The following MLIP variants were observed in gnomAD, a reference collection of about 807,000 sequenced individuals.
MLIP encodes muscular LMNA interacting protein, also known as muscular LMNA-interacting protein.
In MLIP, 79 loss-of-function variants were observed where a neutral mutation model predicts 84.8. That is an observed-to-expected ratio of 0.93 (90% CI 0.78 to 1.12). The LOEUF (loss-of-function observed/expected upper bound fraction) is 1.12. Among genes scored for constraint, MLIP ranks in the 50% most tolerant of loss-of-function variants. The probability of loss-of-function intolerance (pLI) is 0.00; values close to 1 mark genes in which losing one functional copy is unlikely to be tolerated. For synonymous variants in MLIP, 504 were observed against 463.0 expected (o/e 1.09, Z -1.14); for missense variants, 1,257 against 1,160.6 (o/e 1.08, Z -1.21).
chr6:54,187,330 A>C (rs891743765), intron 9 of MLIP, among the ~76,000 whole-genome samples: 4 of 152,208 alleles, frequency 2.6e-5, no homozygotes, highest in African/African-American at 9.6e-5. Flanking sequence ...AAAGCACACA[A>C]AATAACTAAA....
At chr6:54,225,430 T>G (rs1168815869) in intron 11 of MLIP, among the ~76,000 whole-genome samples, 4 of 152,228 alleles carry the variant, frequency 2.6e-5, no homozygotes, top group Admixed American at 1.3e-4. Context: ...ACCACCATTA[T>G]ATATGCAGTT....
chr6:54,153,022 G>C (rs1008547316), intron 5 of MLIP, among the ~76,000 whole-genome samples: 1 of 151,940 alleles, frequency 6.6e-6, no homozygotes, highest in African/African-American at 2.4e-5. Context: ...TAAAATTAGG[G>C]CTGGGGCTAG....
At chr6:54,029,315 G>A (rs1237578419) in intron 1 of MLIP, 7 of 152,232 alleles carry the variant, frequency 4.6e-5, no homozygotes, top group Non-Finnish European at 7.3e-5. Context: ...TGTGAGGTTG[G>A]AGTCCTAGTG....
chr6:54,230,911 C>T lies in MLIP; in HGVS notation c.2916C>T (p.Cys972=), dbSNP rs778248083. The T allele has an allele frequency of 6.2e-7, 1 of 1,613,894 alleles. No homozygotes were observed. The highest frequency in any genetic ancestry group is 8.5e-7 in the Non-Finnish European group (1 of 1,179,886). Residue 972 remains cysteine (C), a synonymous_variant, in exon 12 of 14, where the codon TGC becomes TGT. Transcript: ENST00000502396. Reference sequence around the variant, plus strand: ...ACACCCTCCTCAGTCACAACGCATGCAACAAGGTGAGAACTCCTCCCCAAA... The same window carrying T: ...ACACCCTCCTCAGTCACAACGCATGTAACAAGGTGAGAACTCCTCCCCAAA... ...NSHTLLSHNA[C]NKLSHPMVAI...
rs147104733 is a variant in MLIP at position 54,124,686 on chromosome 6, A to G, written c.466A>G (p.Lys156Glu). The G allele has an allele frequency of 6.2e-7, 1 of 1,614,212 alleles. No homozygotes were observed. Among genetic ancestry groups the G allele is most frequent in the Non-Finnish European group, 8.5e-7 (1 of 1,180,032 alleles). Residue 156 changes from lysine (K) to glutamate (E), a missense_variant, in exon 3 of 14, where the codon AAA becomes GAA. Physicochemically the swap from Lys to Glu is moderately conservative, Grantham distance 56. Transcript: ENST00000502396. ...AGGGGAAGATGAGGCTGCAAGCAGA[A>G]AAGTTGAACAAGGCCCCCCAGGGGG... Reference protein sequence around the residue: ...SEGEDEAASRKVEQGPPGGIG... With the variant: ...SEGEDEAASREVEQGPPGGIG...
At chr6:54,083,410 A>G (rs1295173450) in intron 1 of MLIP, 3 of 1,443,380 alleles carry the variant, frequency 2.1e-6, no homozygotes, top group Non-Finnish European at 1.8e-6. Context: ...TTGGGGAAGC[A>G]GGGAGGAAGG....
chr6:54,263,205 T>C (rs12193921), intron 13 of MLIP, among the ~76,000 whole-genome samples: 8,191 of 152,028 alleles, frequency 0.054, 358 homozygotes, highest in Non-Finnish European at 0.072. Flanking sequence ...TAATAATTAT[T>C]TGGAACTCAC....
At chr6:54,020,917 T>C (rs1581966387) in intron 1 of MLIP, among the ~76,000 whole-genome samples, 1 of 152,046 alleles carries the variant, frequency 6.6e-6, no homozygotes, top group East Asian at 1.9e-4. Flanking sequence ...GTGTCTGGGG[T>C]AGTTAAGTGT....
chr6:54,136,757 C>A lies in MLIP; in HGVS notation c.688C>A (p.Pro230Thr), dbSNP rs1235603921. Residue 230 changes from proline (P) to threonine (T), a missense_variant, in exon 4 of 14, where the codon CCA becomes ACA. By Grantham distance (38) the Pro-to-Thr change is conservative. Coordinates refer to ENST00000502396, the MANE Select transcript of MLIP (RefSeq NM_001281747.2). ...TACCTCTGAGCAGCTTGCCTGTAAA[C>A]CACCTGCTTTCTCCTTTGTTTCTCC... Reference protein sequence around the residue: ...PTTSEQLACKPPAFSFVSPTN... With the variant: ...PTTSEQLACKTPAFSFVSPTN... 47 of 1,515,168 alleles carry A rather than the reference C, an allele frequency of 3.1e-5. No individual in the cohort carries two copies. The highest frequency in any genetic ancestry group is 3.5e-6 in the Non-Finnish European group (4 of 1,130,980). 93.9% of individuals were successfully genotyped at this position (1,515,168 alleles called of 1,614,324 possible). A position where few individuals can be genotyped will look rare whatever the true frequency, so the allele number is the denominator to read the frequency against.
intron 8 of MLIP, among the ~76,000 whole-genome samples, chr6:54,165,977 C>T (rs370675753): frequency 9.9e-5 from 15 of 151,956 alleles, no homozygotes; most frequent in African/African-American, 3.6e-4. Context: ...CAGAAGTGGT[C>T]CCTCACCAGA....
intron 13 of MLIP, among the ~76,000 whole-genome samples, chr6:54,265,029 T>TGATCTGGCTGAGGGCA (rs1375919548): frequency 2.6e-5 from 4 of 152,212 alleles, no homozygotes; most frequent in African/African-American, 9.6e-5. Flanking sequence ...CTTCACCTCA[T>TGATCTGGCTGAGGGCA]GATCTGGCTG....
Position 54,121,204 on chromosome 6 carries a change from G to T in MLIP, c.97-243G>T, listed in dbSNP as rs114640990. Among the ~76,000 whole-genome samples, 1,170 of 152,184 alleles carry T rather than the reference G, an allele frequency of 7.7e-3. 16 individuals are homozygous for T. The highest frequency in any genetic ancestry group is 0.027 in the African/African-American group (1,114 of 41,502). On this transcript the variant is annotated intron_variant, in intron 1 of 13. Transcript: ENST00000502396. Reference sequence around the variant, plus strand: ...TCAGCTTGCCAACCTGCTGTTTTATGCCATCCCCTACAACAGGATCTTCCC... The same window carrying T: ...TCAGCTTGCCAACCTGCTGTTTTATTCCATCCCCTACAACAGGATCTTCCC...
At position 54,230,697 on chromosome 6, in the gene MLIP, T is replaced by C. The variant is rs1331813711; in HGVS notation, c.2719-17T>C. On this transcript the variant is annotated splice_polypyrimidine_tract_variant and intron_variant, in intron 11 of 13. Transcript: ENST00000502396. ...TTTATGCTAACATCCTCTTATGCCT[T>C]TCTTCTTCCCCACCAGGATGTAACA... is the stretch of plus-strand genomic sequence containing the variant. 5.6e-6 allele frequency: 9 copies of C among 1,612,658 alleles called. No individual in the cohort carries two copies. The highest frequency in any genetic ancestry group is 4.5e-5 in the East Asian group (2 of 44,868).
At chr6:54,103,012 A>C (rs997553098) in intron 1 of MLIP, among the ~76,000 whole-genome samples, 9 of 152,120 alleles carry the variant, frequency 5.9e-5, no homozygotes, top group Non-Finnish European at 8.8e-5. Flanking sequence ...TAACCTCATG[A>C]TGTAAATTAA....
intron 12 of MLIP, among the ~76,000 whole-genome samples, chr6:54,250,710 C>G (rs982085198): frequency 6.6e-6 from 1 of 152,058 alleles, no homozygotes; most frequent in African/African-American, 2.4e-5. Flanking sequence ...TACCCATCCA[C>G]CTGAATTTTC....
chr6:54,256,003 G>C (rs1782982555), intron 12 of MLIP, among the ~76,000 whole-genome samples: 1 of 152,126 alleles, frequency 6.6e-6, no homozygotes, highest in South Asian at 2.1e-4. Flanking sequence ...AGGAGACTCT[G>C]ATGAACAGGA....
intron 11 of MLIP, chr6:54,215,428 A>G: frequency 4.1e-6 from 5 of 1,218,252 alleles, no homozygotes; most frequent in Middle Eastern, 3.1e-4. Flanking sequence ...GATTTTTTTA[A>G]AAGTATAATT....
intron 11 of MLIP, among the ~76,000 whole-genome samples, chr6:54,220,887 A>T (rs1314431083): frequency 3.3e-5 from 5 of 152,100 alleles, no homozygotes; most frequent in African/African-American, 4.8e-5. Flanking sequence ...AGTTACATCA[A>T]CATTTATAGG....
chr6:54,253,528 C>G (rs935422429), intron 12 of MLIP, among the ~76,000 whole-genome samples: 1 of 152,268 alleles, frequency 6.6e-6, no homozygotes, highest in Non-Finnish European at 1.5e-5. Context: ...TTCACAAAAG[C>G]TAAAGCTCTA....
Sources: allele counts gnomAD v4.1 joint callset (sites outside exome capture counted in the v4.1 genomes callset), GRCh38; gene constraint gnomAD v4.1.1; transcripts MANE v1.5; gene names NCBI Gene and HGNC (gene_info 2026-07-23, HGNC 2026-07-21).